The following FLRT2 variants were observed in gnomAD, a reference collection of about 807,000 sequenced individuals.
FLRT2 encodes leucine-rich repeat transmembrane protein FLRT2.
Under a neutral mutation model 40.0 loss-of-function variants are expected in FLRT2, and 15 were observed. That is an observed-to-expected ratio of 0.38 (90% CI 0.25 to 0.58). FLRT2 has a LOEUF of 0.58. Ranked by LOEUF, FLRT2 falls within the 20% of genes least tolerant of loss-of-function variation. FLRT2 has a pLI of 0.71. For missense variants in FLRT2, 726 were observed against 840.0 expected (o/e 0.86, Z 1.68); for synonymous variants, 380 against 336.8 (o/e 1.13, Z -1.41).
intron 1 of FLRT2, among the ~76,000 whole-genome samples, chr14:85,586,030 A>C (rs900791753): frequency 6.7e-6 from 1 of 148,556 alleles, no homozygotes; most frequent in Admixed American, 6.7e-5. Flanking sequence ...ATATATATTT[A>C]ATTAAAATAT....
rs1894006163 is a variant in FLRT2 at position 85,636,419 on chromosome 14, T to A, written c.*12922T>A. 1 of 130,118 alleles carries A rather than the reference T, an allele frequency of 7.7e-6. No homozygotes were observed. The allele number at this position is 130,118 out of a possible 1,614,324, so 8.1% of individuals were successfully genotyped here. A position where few individuals can be genotyped will look rare whatever the true frequency, so the allele number is the denominator to read the frequency against. ...AAAAAAAAAAAAAAACAAAAAACAT[T>A]CTTATTAATCTTAACTAATTTTCTT... On this transcript the variant is annotated 3_prime_UTR_variant, in exon 2 of 2. Coordinates refer to ENST00000330753, the MANE Select transcript of FLRT2 (RefSeq NM_013231.6).
chr14:85,578,439 A>G lies in FLRT2; in HGVS notation c.-376-42700A>G, dbSNP rs536376119. 5.3e-5 allele frequency among the ~76,000 whole-genome samples: 8 copies of G among 152,084 alleles called. No homozygotes were observed. In the South Asian group the frequency reaches 1.7e-3, roughly 32 times the overall value. The stretch of plus-strand genomic sequence containing the variant: ...AAGAGAACAACTTTGTAAGTCTATA[A>G]TCATTTTGAATACTAATGGCAGCAA... On this transcript the variant is annotated intron_variant, in intron 1 of 1. Transcript: ENST00000330753.
chr14:85,613,366 T>C (rs1892982981), intron 1 of FLRT2, among the ~76,000 whole-genome samples: 1 of 152,292 alleles, frequency 6.6e-6, no homozygotes, highest in South Asian at 2.1e-4. Flanking sequence ...AAAACAAATA[T>C]AGTGCTGTAG....
In FLRT2 at chr14:85,596,652, T is replaced by TA. The variant is rs201665929; in HGVS notation, c.-376-24479dup. On this transcript the variant is annotated intron_variant, in intron 1 of 1. Coordinates refer to ENST00000330753, the MANE Select transcript of FLRT2 (RefSeq NM_013231.6). Reference sequence around the variant, plus strand: ...CCCATCGTCTTGCTAAAGACTTTTTTAAAAAAAACATTTTCATTATTTAAA... The same window carrying TA: ...CCCATCGTCTTGCTAAAGACTTTTTTAAAAAAAAACATTTTCATTATTTAAA... 1.3e-3 allele frequency among the ~76,000 whole-genome samples: 202 copies of TA among 152,116 alleles called. 2 individuals are homozygous for TA. Among genetic ancestry groups the TA allele is most frequent in the African/African-American group, 4.0e-3 (168 of 41,516 alleles).
chr14:85,550,225 GA>G (rs1889529666), intron 1 of FLRT2, among the ~76,000 whole-genome samples: 1 of 152,046 alleles, frequency 6.6e-6, no homozygotes, highest in Non-Finnish European at 1.5e-5. Context: ...CTATAAACGA[GA>G]AAATAGCCAC....
Position 85,644,040 on chromosome 14 carries a change from A to G in FLRT2, c.*20543A>G, listed in dbSNP as rs1894231625. The G allele has an allele frequency of 1.3e-5, 2 of 152,344 alleles. No homozygotes were observed. The highest frequency in any genetic ancestry group is 4.8e-5 in the African/African-American group (2 of 41,582). The allele number at this position is 152,344 out of a possible 1,614,324, so 9.4% of individuals were successfully genotyped here. ...GAAAGATGCAGGTTTGGCAAATTGA[A>G]GCCAGACTAATTATCACAATGTAGT... is the stretch of plus-strand genomic sequence containing the variant. On this transcript the variant is annotated 3_prime_UTR_variant, in exon 2 of 2. Coordinates refer to ENST00000330753, the MANE Select transcript of FLRT2 (RefSeq NM_013231.6).
chr14:85,611,657 C>T (rs548510388), intron 1 of FLRT2, among the ~76,000 whole-genome samples: 73 of 152,280 alleles, frequency 4.8e-4, no homozygotes, highest in African/African-American at 1.6e-3. Flanking sequence ...TCCAGTCAAG[C>T]TTGGGAGTGT....
intron 1 of FLRT2, among the ~76,000 whole-genome samples, chr14:85,606,157 C>T (rs2753619): frequency 0.82 from 125,433 of 152,170 alleles, 51,735 homozygotes; most frequent in East Asian, 0.88. Context: ...AGTGGCATCA[C>T]ATACTTAGGG....
chr14:85,554,700 G>T (rs1370619424), intron 1 of FLRT2, among the ~76,000 whole-genome samples: 1 of 152,136 alleles, frequency 6.6e-6, no homozygotes, highest in Non-Finnish European at 1.5e-5. Flanking sequence ...ATTAGTCTAG[G>T]TTTTAATCTA....
chr14:85,577,045 A>G (rs2139869179), intron 1 of FLRT2, among the ~76,000 whole-genome samples: 1 of 152,356 alleles, frequency 6.6e-6, no homozygotes, highest in Non-Finnish European at 1.5e-5. Context: ...TGTTAAAAAT[A>G]AAATGGAAAT....
intron 1 of FLRT2, among the ~76,000 whole-genome samples, chr14:85,545,795 T>G (rs938786072): frequency 2.6e-5 from 4 of 152,224 alleles, no homozygotes; most frequent in Non-Finnish European, 5.9e-5. Flanking sequence ...ACACTCTCCA[T>G]TTTTTCCCCT....
chr14:85,533,895 C>T (rs1030934545), intron 1 of FLRT2, among the ~76,000 whole-genome samples: 1 of 152,014 alleles, frequency 6.6e-6, no homozygotes, highest in Non-Finnish European at 1.5e-5. Flanking sequence ...GCCGCCGCCG[C>T]CACCCGGAGG....
intron 1 of FLRT2, among the ~76,000 whole-genome samples, chr14:85,609,057 TC>T (rs2139347946): frequency 6.6e-6 from 1 of 152,234 alleles, no homozygotes; most frequent in Non-Finnish European, 1.5e-5. Context: ...TCTCTTCCTT[TC>T]CCACTGAGGT....
chr14:85,605,805 A>C (rs1290093236), intron 1 of FLRT2, among the ~76,000 whole-genome samples: 6 of 152,114 alleles, frequency 3.9e-5, no homozygotes, highest in Admixed American at 3.9e-4. Context: ...TAACTTGTAC[A>C]CAGAAACATC....
rs1172017975 is a variant in FLRT2, at chr14:85,638,306, G to C, written c.*14809G>C. 1 of 152,194 alleles carries C rather than the reference G, an allele frequency of 6.6e-6. No homozygotes were observed. The highest frequency in any genetic ancestry group is 1.5e-5 in the Non-Finnish European group (1 of 68,076). The allele number at this position is 152,194 out of a possible 1,614,324, so 9.4% of individuals were successfully genotyped here. ...TTGCCTTTCGCCCAGGCTGAAGACA[G>C]AGTGCTTTCCCATGGTTCTGTCTTT... On this transcript the variant is annotated 3_prime_UTR_variant, in exon 2 of 2. Transcript: ENST00000330753.
rs1337241946 is a variant in FLRT2, at chr14:85,632,773, T to A, written c.*9276T>A. 1 of 151,986 alleles carries A rather than the reference T, an allele frequency of 6.6e-6. No homozygotes were observed. Among genetic ancestry groups the A allele is most frequent in the East Asian group, 1.9e-4 (1 of 5,168 alleles). 9.4% of individuals were successfully genotyped at this position (151,986 alleles called of 1,614,324 possible). On this transcript the variant is annotated 3_prime_UTR_variant, in exon 2 of 2. Transcript: ENST00000330753. Reference sequence around the variant, plus strand: ...AATGATATGCTTGTAAAGAAGGGAGTGGAGAGTGGTAGTTATTAAGAAATC... The same window carrying A: ...AATGATATGCTTGTAAAGAAGGGAGAGGAGAGTGGTAGTTATTAAGAAATC...
intron 1 of FLRT2, among the ~76,000 whole-genome samples, chr14:85,608,151 C>G (rs1042361762): frequency 1.3e-4 from 20 of 152,126 alleles, no homozygotes; most frequent in Non-Finnish European, 4.4e-5. Context: ...GTTAGGACTT[C>G]AACATATGAG....
rs1248580881 is a variant in FLRT2 at position 85,641,103 on chromosome 14, AC to A, written c.*17609del. 4 of 151,972 alleles carry A rather than the reference AC, an allele frequency of 2.6e-5. No individual in the cohort carries two copies. Among genetic ancestry groups the A allele is most frequent in the Non-Finnish European group, 5.9e-5 (4 of 67,984 alleles). The allele number at this position is 151,972 out of a possible 1,614,324, so 9.4% of individuals were successfully genotyped here. A position where few individuals can be genotyped will look rare whatever the true frequency, so the allele number is the denominator to read the frequency against. ...TAGTCTATGACTTATTTCTGCGAAA[AC>A]CCACGAAAGTGAAAACTAACAATAG... is the stretch of plus-strand genomic sequence containing the variant. On this transcript the variant is annotated 3_prime_UTR_variant, in exon 2 of 2. Transcript: ENST00000330753.
intron 1 of FLRT2, among the ~76,000 whole-genome samples, chr14:85,567,025 T>A (rs1270459036): frequency 1.3e-5 from 2 of 152,204 alleles, no homozygotes; most frequent in Non-Finnish European, 2.9e-5. Flanking sequence ...CATTGAAAGT[T>A]GGGGGAAGGA....
Sources: gnomAD v4.1 joint callset for allele counts (sites outside exome capture counted in the v4.1 genomes callset) on GRCh38, gnomAD v4.1.1 for gene constraint, MANE v1.5 for transcripts, NCBI Gene and HGNC (gene_info 2026-07-23, HGNC 2026-07-21) for gene names.